Variants in NEK7 observed in about 807,000 individuals in gnomAD.
The protein encoded by NEK7 is serine/threonine-protein kinase Nek7.
In NEK7, 18 loss-of-function variants were observed where a neutral mutation model predicts 44.6. The ratio of observed to expected loss-of-function variants is 0.40; its 90% CI spans 0.28 to 0.60. The LOEUF is 0.60. Among genes scored for constraint, NEK7 ranks in the 20% least tolerant of loss-of-function variants. NEK7 has a pLI of 0.38. For synonymous variants in NEK7, 130 were observed against 121.1 expected (o/e 1.07, Z -0.48); for missense variants, 256 against 366.5 (o/e 0.70, Z 2.46).
At chr1:198,250,415 A>G (rs1652901575) in intron 2 of NEK7, among the ~76,000 whole-genome samples, 1 of 152,156 alleles carries the variant, frequency 6.6e-6, no homozygotes, top group Non-Finnish European at 1.5e-5. Flanking sequence ...AATTCTGTGA[A>G]GAAAGTCATT....
intron 1 of NEK7, among the ~76,000 whole-genome samples, chr1:198,181,478 G>A (rs1021413621): frequency 3.3e-5 from 5 of 152,004 alleles, no homozygotes; most frequent in African/African-American, 1.2e-4. Context: ...TTGAGACTGG[G>A]TATCTATCAT....
In NEK7 at chr1:198,169,376, C is replaced by T. The variant is rs148877830; in HGVS notation, c.-29+12100C>T. On this transcript the variant is annotated intron_variant, in intron 1 of 9. Coordinates refer to ENST00000367385, the MANE Select transcript of NEK7 (RefSeq NM_133494.3). ...TTTTTGAGTCTGGAGGATTGTATTT[C>T]TTATCAAAACAAATATCCAAGTTTA... 4.6e-4 allele frequency among the ~76,000 whole-genome samples: 70 copies of T among 152,224 alleles called. 1 individual carries two copies. In the East Asian group the frequency reaches 0.011, roughly 24 times the overall value.
At chr1:198,290,011 T>C (rs1164552617) in intron 7 of NEK7, among the ~76,000 whole-genome samples, 1 of 152,176 alleles carries the variant, frequency 6.6e-6, no homozygotes, top group Non-Finnish European at 1.5e-5. Context: ...TCAGGTAAGA[T>C]TTTTAGTTGT....
chr1:198,300,128 G>T (rs1654840996), intron 9 of NEK7, among the ~76,000 whole-genome samples: 1 of 152,030 alleles, frequency 6.6e-6, no homozygotes, highest in African/African-American at 2.4e-5. Flanking sequence ...TTCTAGTAAT[G>T]ATCTCATCCA....
intron 1 of NEK7, among the ~76,000 whole-genome samples, chr1:198,193,583 C>T (rs939789102): frequency 6.6e-6 from 1 of 152,168 alleles, no homozygotes; most frequent in African/African-American, 2.4e-5. Context: ...AAACCGAATA[C>T]AGCAGCACAT....
intron 1 of NEK7, among the ~76,000 whole-genome samples, chr1:198,178,571 T>G (rs762201681): frequency 2.0e-5 from 3 of 152,076 alleles, no homozygotes; most frequent in Non-Finnish European, 4.4e-5. Flanking sequence ...GGGTTTACAG[T>G]GCACTTTAGT....
intron 1 of NEK7, among the ~76,000 whole-genome samples, chr1:198,228,140 T>G (rs1289009095): frequency 2.6e-5 from 4 of 152,186 alleles, no homozygotes; most frequent in South Asian, 4.2e-4. Flanking sequence ...TTTCCCCATT[T>G]CTTGTTTTTG....
chr1:198,212,165 A>G (rs959838081), intron 1 of NEK7, among the ~76,000 whole-genome samples: 1 of 152,216 alleles, frequency 6.6e-6, no homozygotes, highest in Non-Finnish European at 1.5e-5. Context: ...ACAGGTTGAG[A>G]GAAGCTCCCA....
At chr1:198,263,580 C>G (rs527825633) in intron 4 of NEK7, among the ~76,000 whole-genome samples, 1 of 151,866 alleles carries the variant, frequency 6.6e-6, no homozygotes, top group South Asian at 2.1e-4. Flanking sequence ...TAAAATTTTT[C>G]TTAGGGATGA....
intron 1 of NEK7, among the ~76,000 whole-genome samples, chr1:198,159,470 C>A (rs1186240300): frequency 6.6e-6 from 1 of 152,088 alleles, no homozygotes; most frequent in Admixed American, 6.5e-5. Context: ...GTGACTGAGG[C>A]GGGTTTTACT....
At chr1:198,251,406 G>A (rs1340558752) in intron 2 of NEK7, among the ~76,000 whole-genome samples, 1 of 131,650 alleles carries the variant, frequency 7.6e-6, no homozygotes, top group Non-Finnish European at 1.6e-5. Flanking sequence ...GAGTTAGGGA[G>A]GATTCTCTCT....
intron 9 of NEK7, among the ~76,000 whole-genome samples, chr1:198,301,528 C>T (rs868867765): frequency 3.3e-5 from 5 of 152,166 alleles, no homozygotes; most frequent in East Asian, 3.8e-4. Context: ...CCAGCCTGGG[C>T]GACAGAGCAA....
intron 1 of NEK7, among the ~76,000 whole-genome samples, chr1:198,171,146 G>A (rs912415335): frequency 6.6e-6 from 1 of 152,144 alleles, no homozygotes; most frequent in African/African-American, 2.4e-5. Context: ...ACTTCAGTGA[G>A]ACTACAGTGT....
chr1:198,244,456 T>C (rs886206448), intron 2 of NEK7, among the ~76,000 whole-genome samples: 1 of 152,112 alleles, frequency 6.6e-6, no homozygotes, highest in Non-Finnish European at 1.5e-5. Context: ...AGTTATTGTT[T>C]AAGGAGTCTG....
intron 9 of NEK7, among the ~76,000 whole-genome samples, chr1:198,314,160 C>G (rs1395379090): frequency 6.6e-6 from 1 of 152,036 alleles, no homozygotes; most frequent in Non-Finnish European, 1.5e-5. Context: ...CTAAACTTCC[C>G]TTCTCGCTTC....
intron 2 of NEK7, among the ~76,000 whole-genome samples, chr1:198,250,367 T>C (rs1303176613): frequency 6.6e-6 from 1 of 152,130 alleles, no homozygotes; most frequent in African/African-American, 2.4e-5. Context: ...ATGCGGGCTC[T>C]TTTTTGGTTC....
chr1:198,217,627 G>A (rs1254212795), intron 1 of NEK7, among the ~76,000 whole-genome samples: 4 of 151,804 alleles, frequency 2.6e-5, no homozygotes, highest in African/African-American at 7.3e-5. Context: ...CATCCAAATT[G>A]GAAAAGAGGA....
chr1:198,295,191 A>G (rs1654675258), intron 8 of NEK7, among the ~76,000 whole-genome samples: 1 of 152,054 alleles, frequency 6.6e-6, no homozygotes, highest in Non-Finnish European at 1.5e-5. Context: ...GGACCTTTAC[A>G]TGGAAAAGTA....
At chr1:198,288,904 G>T (rs1335381180) in intron 7 of NEK7, among the ~76,000 whole-genome samples, 1 of 152,062 alleles carries the variant, frequency 6.6e-6, no homozygotes, top group Non-Finnish European at 1.5e-5. Context: ...CATTATTAAA[G>T]CTCTTAAATG....
Sources: allele counts gnomAD v4.1 joint callset (sites outside exome capture counted in the v4.1 genomes callset), GRCh38; gene constraint gnomAD v4.1.1; transcripts MANE v1.5; gene names NCBI Gene and HGNC (gene_info 2026-07-23, HGNC 2026-07-21).